The following SEC16B variants were observed in gnomAD, a reference collection of about 807,000 sequenced individuals.
SEC16B encodes the protein SEC16 homolog B, endoplasmic reticulum export factor.
SEC16B carries 115 observed loss-of-function variants against 141.8 expected under a neutral mutation model. That is an observed-to-expected ratio of 0.81 (90% confidence interval 0.70 to 0.95). The LOEUF is 0.95. SEC16B is among the 40% of genes least tolerant of loss of function. The probability of loss-of-function intolerance (pLI) is 0.00; values close to 1 mark genes in which losing one functional copy is unlikely to be tolerated. For synonymous variants in SEC16B, 493 were observed against 492.5 expected (o/e 1.00, Z -0.01); for missense variants, 1,291 against 1,312.3 (o/e 0.98, Z 0.25).
chr1:177,937,186 T>C (rs1650906380), intron 19 of SEC16B, 28 bp downstream of exon 19: 9 of 1,575,580 alleles, frequency 5.7e-6, no homozygotes, highest in Admixed American at 1.8e-5. Flanking sequence ...CTACATTCAA[T>C]GTGGCCACCC....
At position 177,968,163 on chromosome 1, in the gene SEC16B, T is replaced by C. The variant is rs568238621; in HGVS notation, c.-58-124A>G. On this transcript the variant is annotated intron_variant, in intron 1 of 25. Transcript: ENST00000308284. ...AATATATCTAAAACAAACCATATGG[T>C]CACGGATACAGAGAAATCTGAGAAA... 1.6e-4 allele frequency: 84 copies of C among 519,962 alleles called. 1 individual carries two copies. In the South Asian group the frequency reaches 3.6e-3, roughly 22 times the overall value. The allele number at this position is 519,962 out of a possible 1,614,324, so 32.2% of individuals were successfully genotyped here.
At chr1:177,976,296 T>C (rs573234826) in intron 1 of SEC16B, among the ~76,000 whole-genome samples, 46 of 152,190 alleles carry the variant, frequency 3.0e-4, no homozygotes, top group African/African-American at 1.1e-3. Flanking sequence ...TCTTCACCCC[T>C]CCCGTTTGAT....
At chr1:177,967,635 C>A in intron 2 of SEC16B, 48 bp downstream of exon 2, 1 of 1,477,484 alleles carries the variant, frequency 6.8e-7, no homozygotes, top group South Asian at 1.4e-5. Context: ...ACAACCTATT[C>A]ATACGCATTT....
chr1:177,958,251 A>C lies in SEC16B; in HGVS notation c.1246T>G (p.Trp416Gly), dbSNP rs751170953. ...ANLINLTDED[W>G]PVLSSGTPNL... The stretch of plus-strand genomic sequence containing the variant: ...GGGGTCCCAGAGCTCAGCACTGGCC[A>C]GTCCTCATCGGTCAGGTTGATGAGG... Residue 416 changes from tryptophan (W) to glycine (G), a missense_variant, in exon 10 of 26, where the codon TGG becomes GGG. Transcript: ENST00000308284. 6.2e-7 allele frequency: 1 copy of C among 1,610,274 alleles called. No homozygotes were observed. Among genetic ancestry groups the C allele is most frequent in the South Asian group, 1.1e-5 (1 of 89,634 alleles).
rs749053868 is a variant in SEC16B at position 177,933,274 on chromosome 1, C to T, written c.2763G>A (p.Lys921=). ...GFGWFSWFRS[K]PTKNASPAGD... ...CAGCGGGGGATGCGTTCTTGGTGGG[C>T]TTCGATCGAAACCAGCTGAACCAGC... Residue 921 remains lysine (K), a synonymous_variant, in exon 22 of 26, where the codon AAG becomes AAA. Transcript: ENST00000308284. 4.4e-6 allele frequency: 7 copies of T among 1,601,080 alleles called. No homozygotes were observed. Among genetic ancestry groups the T allele is most frequent in the South Asian group, 1.1e-5 (1 of 88,468 alleles).
chr1:177,962,028 T>C (rs1653105669), intron 5 of SEC16B, among the ~76,000 whole-genome samples: 1 of 152,166 alleles, frequency 6.6e-6, no homozygotes, highest in African/African-American at 2.4e-5. Flanking sequence ...ATCTGTGATA[T>C]AATCATATCT....
At chr1:177,961,117 T>G in intron 6 of SEC16B, 178 bp from the exon 7 acceptor site, 1 of 625,934 alleles carries the variant, frequency 1.6e-6, no homozygotes, top group Non-Finnish European at 2.7e-6. Flanking sequence ...GATTTAAGCC[T>G]CTGAGAAGGT....
At chr1:177,961,351 C>T (rs957317972) in intron 6 of SEC16B, 5 of 516,812 alleles carry the variant, frequency 9.7e-6, no homozygotes, top group Admixed American at 7.7e-5. Flanking sequence ...TGAGTGCCTC[C>T]TTTCCCAACT....
chr1:177,955,586 G>A (rs1324471095), intron 10 of SEC16B, among the ~76,000 whole-genome samples: 9 of 151,818 alleles, frequency 5.9e-5, no homozygotes, highest in African/African-American at 1.7e-4. Context: ...GGCCTCAAGT[G>A]ATCCGCCCAC....
At position 177,967,799 on chromosome 1, in the gene SEC16B, C is replaced by A. The variant is rs375284316; in HGVS notation, c.183G>T (p.Glu61Asp). Residue 61 changes from glutamate (E) to aspartate (D), a missense_variant, in exon 2 of 26, where the codon GAG (glutamate) becomes GAT (aspartate). Physicochemically the swap from Glu to Asp is conservative, Grantham distance 45 (BLOSUM62 2). This residue lies in a region of SEC16B where 681 missense variants were observed against 675.5 expected (regional missense o/e 1.01). Coordinates refer to ENST00000308284, the MANE Select transcript of SEC16B (RefSeq NM_033127.4). ...GCTGCTGCTGATGGTCTGCCCTGGG[C>A]TCCTGCTGTGGCTGGGGGCTCCCAC... ...DNRGSPQPQQ[E>D]PRADHQQQPH... 5 of 1,614,024 alleles carry A rather than the reference C, an allele frequency of 3.1e-6. No individual in the cohort carries two copies. The highest frequency in any genetic ancestry group is 4.2e-6 in the Non-Finnish European group (5 of 1,179,900).
Position 177,968,585 on chromosome 1 carries a change from G to A in SEC16B, c.-58-546C>T, listed in dbSNP as rs139323408. Among the ~76,000 whole-genome samples the A allele has an allele frequency of 3.0e-4, 46 of 152,292 alleles. No individual in the cohort carries two copies. The East Asian group carries it at 5.2e-3, about 17-fold the overall frequency. On this transcript the variant is annotated intron_variant, in intron 1 of 25. Transcript: ENST00000308284. ...GTTAAAGATAACCTATGCGAAGTGC[G>A]TAACATGTTACCTAACATGTTAAAA...
chr1:177,978,664 GCA>G (rs1654275786), intron 1 of SEC16B, among the ~76,000 whole-genome samples: 1 of 151,478 alleles, frequency 6.6e-6, no homozygotes, highest in Admixed American at 6.6e-5. Flanking sequence ...TGATCATACT[GCA>G]CTCAAGCCTG....
Position 177,939,797 on chromosome 1 carries a change from A to T in SEC16B, c.2128-20T>A. The T allele has an allele frequency of 6.5e-7, 1 of 1,535,994 alleles. No individual in the cohort carries two copies. Among genetic ancestry groups the T allele is most frequent in the Non-Finnish European group, 8.8e-7 (1 of 1,131,362 alleles). ...CTTTTGCTATTTAAAATAAAGTAAAATTCCTTTTAAGCAGCACAAAGGAAA... is the reference window on the plus strand; with the variant it reads ...CTTTTGCTATTTAAAATAAAGTAAATTTCCTTTTAAGCAGCACAAAGGAAA... On this transcript the variant is annotated intron_variant, in intron 17 of 25. Transcript: ENST00000308284.
At chr1:177,961,866 G>T in intron 5 of SEC16B, 132 bp from the exon 6 acceptor site, 1 of 880,702 alleles carries the variant, frequency 1.1e-6, no homozygotes. Flanking sequence ...TAATCAAGTT[G>T]ATAGGCATTT....
chr1:177,948,469 G>A (rs1158888238), intron 12 of SEC16B: 1 of 1,303,922 alleles, frequency 7.7e-7, no homozygotes, highest in South Asian at 1.2e-5. Flanking sequence ...ATGAAGTCTA[G>A]TTCCTACTGC....
chr1:177,964,220 G>A lies in SEC16B; in HGVS notation c.593C>T (p.Pro198Leu), dbSNP rs368445401. Residue 198 changes from proline (P) to leucine (L), a missense_variant, in exon 5 of 26, where the codon CCG becomes CTG. Physicochemically the swap from Pro to Leu is moderately conservative, Grantham distance 98 (BLOSUM62 -3). This residue lies in a region of SEC16B where 681 missense variants were observed against 675.5 expected (regional missense o/e 1.01). Transcript: ENST00000308284. ...CAGGCTCCCTGGAAACAGCTCCCCC[G>A]GCCACTCCTGTCCAGAGTTGGAAGC... ...SPASNSGQEW[P>L]GELFPGSLLA... 2.8e-5 allele frequency: 45 copies of A among 1,613,468 alleles called. No individual in the cohort carries two copies. The highest frequency in any genetic ancestry group is 1.7e-4 in the Admixed American group (10 of 59,978).
rs1270414504 is a variant in SEC16B at position 177,944,587 on chromosome 1, G to A, written c.1855C>T (p.Pro619Ser). ...TGGAAAGAAGGGATGAAGGATTTGG[G>A]GCGGCCCAGCATCTGACAGTACTCG... The part of the protein sequence containing the change: ...IFEYCQMLGR[P>S]KSFIPSFQVY... The change falls in exon 15 of 26, where the codon CCC (proline) becomes TCC (serine). Residue 619 changes from proline to serine, a missense_variant. Coordinates refer to ENST00000308284, the MANE Select transcript of SEC16B (RefSeq NM_033127.4). 1 of 1,613,658 alleles carries A rather than the reference G, an allele frequency of 6.2e-7. No individual in the cohort carries two copies. The highest frequency in any genetic ancestry group is 8.5e-7 in the Non-Finnish European group (1 of 1,179,764).
At chr1:177,978,554 A>C (rs1459949854) in intron 1 of SEC16B, among the ~76,000 whole-genome samples, 1 of 152,106 alleles carries the variant, frequency 6.6e-6, no homozygotes, top group East Asian at 1.9e-4. Context: ...AAAAGAAAAA[A>C]TTAATTGGGC....
At chr1:177,948,108 A>G (rs1229481683) in intron 12 of SEC16B, among the ~76,000 whole-genome samples, 166 bp from the exon 13 acceptor site, 1 of 152,228 alleles carries the variant, frequency 6.6e-6, no homozygotes, top group African/African-American at 2.4e-5. Context: ...TTAAAAAAGT[A>G]AAACTGTCAG....
Sources: allele counts gnomAD v4.1 joint callset (sites outside exome capture counted in the v4.1 genomes callset), GRCh38; gene constraint gnomAD v4.1.1; regional missense constraint gnomAD v4.1.1; transcripts MANE v1.5; gene names NCBI Gene and HGNC (gene_info 2026-07-23, HGNC 2026-07-21).